Variants in DPP10 observed in about 807,000 individuals in gnomAD.
The protein encoded by DPP10 is inactive dipeptidyl peptidase 10.
Under a neutral mutation model 120.9 loss-of-function variants are expected in DPP10, and 33 were observed. That is an observed-to-expected ratio of 0.27 (90% confidence interval 0.21 to 0.37). DPP10 has a LOEUF of 0.37. DPP10 is among the 10% of genes least tolerant of loss of function. DPP10 has a pLI of 1.00. For missense variants in DPP10, 816 were observed against 942.8 expected (o/e 0.87, Z 1.76); for synonymous variants, 337 against 326.1 (o/e 1.03, Z -0.36).
At chr2:115,570,289 A>G (rs1370207054) in intron 5 of DPP10, among the ~76,000 whole-genome samples, 1 of 152,248 alleles carries the variant, frequency 6.6e-6, no homozygotes, top group African/African-American at 2.4e-5. Flanking sequence ...CCTTAAAATA[A>G]TCTCATGAAC....
chr2:115,842,380 G>T lies in DPP10; in HGVS notation c.*35G>T. 2 of 1,589,148 alleles carry T rather than the reference G, an allele frequency of 1.3e-6. No individual in the cohort carries two copies. The highest frequency in any genetic ancestry group is 1.1e-5 in the South Asian group (1 of 88,842). On this transcript the variant is annotated 3_prime_UTR_variant, in exon 26 of 26. Coordinates refer to ENST00000410059, the MANE Select transcript of DPP10 (RefSeq NM_020868.6). The stretch of plus-strand genomic sequence containing the variant: ...TTTATACAGAACTGAAGGGAATATT[G>T]AGGCTCAATGAAACCTGACAAAGAG...
intron 17 of DPP10, among the ~76,000 whole-genome samples, chr2:115,786,493 C>T (rs930157354): frequency 1.3e-5 from 2 of 151,846 alleles, no homozygotes; most frequent in Non-Finnish European, 2.9e-5. Flanking sequence ...ACCTGATTCC[C>T]TTGTTTCCTT....
chr2:114,597,623 G>A (rs537463809), intron 1 of DPP10, among the ~76,000 whole-genome samples: 6 of 151,874 alleles, frequency 4.0e-5, no homozygotes, highest in Admixed American at 6.6e-5. Flanking sequence ...AGTCACTTAG[G>A]TGATGGAAAT....
chr2:114,920,216 A>C (rs1022193377), intron 1 of DPP10, among the ~76,000 whole-genome samples: 57 of 152,166 alleles, frequency 3.7e-4, no homozygotes, highest in African/African-American at 1.4e-3. Context: ...GGTTTGAATG[A>C]AAAACAATAG....
rs575374421 is a variant in DPP10 at position 114,974,263 on chromosome 2, C to T, written c.61-334976C>T. Among the ~76,000 whole-genome samples the T allele has an allele frequency of 1.0e-3, 155 of 152,116 alleles. No individual in the cohort carries two copies. In the Middle Eastern group the frequency reaches 0.014, roughly 13 times the overall value. On this transcript the variant is annotated intron_variant, in intron 1 of 25. Transcript: ENST00000410059. ...TGCCTTTTACAGTACTTTTAGTGTA[C>T]TTTTTCTATGTTTAGGTATGTTTAG...
At chr2:114,697,935 G>T (rs1700165744) in intron 1 of DPP10, among the ~76,000 whole-genome samples, 1 of 151,920 alleles carries the variant, frequency 6.6e-6, no homozygotes, top group Non-Finnish European at 1.5e-5. Flanking sequence ...ATTTGGTTTG[G>T]TGTCTACATT....
At chr2:114,904,295 T>A (rs999535902) in intron 1 of DPP10, among the ~76,000 whole-genome samples, 1 of 152,192 alleles carries the variant, frequency 6.6e-6, no homozygotes, top group East Asian at 1.9e-4. Flanking sequence ...AGGAACATAG[T>A]ATTGGAAATG....
intron 3 of DPP10, among the ~76,000 whole-genome samples, chr2:115,471,927 A>T (rs886752627): frequency 6.6e-6 from 1 of 152,022 alleles, no homozygotes; most frequent in African/African-American, 2.4e-5. Context: ...CCAGACCAGG[A>T]TTCTTTCAAG....
chr2:114,991,571 T>C (rs1359636852), intron 1 of DPP10, among the ~76,000 whole-genome samples: 2 of 152,236 alleles, frequency 1.3e-5, no homozygotes, highest in African/African-American at 4.8e-5. Context: ...CTTTACTCCG[T>C]GGCTACAAAC....
intron 5 of DPP10, chr2:115,580,350 T>A (rs1460049298): frequency 1.3e-5 from 2 of 152,230 alleles, no homozygotes; most frequent in Non-Finnish European, 2.9e-5. Context: ...TTATCTGGAA[T>A]CAGTTATTTC....
chr2:115,190,570 C>T (rs755790036), intron 1 of DPP10, among the ~76,000 whole-genome samples: 5 of 152,150 alleles, frequency 3.3e-5, no homozygotes, highest in South Asian at 2.1e-4. Context: ...GCTTTTCCCC[C>T]GGCGGTGAAA....
intron 5 of DPP10, among the ~76,000 whole-genome samples, chr2:115,602,312 TAATG>T (rs1426604230): frequency 1.3e-5 from 2 of 152,168 alleles, no homozygotes; most frequent in Non-Finnish European, 2.9e-5. Flanking sequence ...TTGAGAAACA[TAATG>T]AATGGTTTAA....
intron 1 of DPP10, among the ~76,000 whole-genome samples, chr2:114,982,401 A>G (rs1433484647): frequency 6.6e-6 from 1 of 152,170 alleles, no homozygotes; most frequent in Non-Finnish European, 1.5e-5. Flanking sequence ...ATAAAGATAA[A>G]AAAAACAGAG....
intron 1 of DPP10, among the ~76,000 whole-genome samples, chr2:114,649,287 G>C (rs945821388): frequency 2.0e-5 from 3 of 151,950 alleles, no homozygotes; most frequent in Non-Finnish European, 4.4e-5. Context: ...TAAAATTACT[G>C]ATACTTGGGT....
At chr2:115,572,829 C>G (rs2081418080) in intron 5 of DPP10, among the ~76,000 whole-genome samples, 2 of 152,052 alleles carry the variant, frequency 1.3e-5, no homozygotes. Flanking sequence ...CTTTAAAAAC[C>G]TTTGGAGTAA....
intron 11 of DPP10, among the ~76,000 whole-genome samples, chr2:115,759,090 A>G (rs1381657027): frequency 6.6e-6 from 1 of 152,188 alleles, no homozygotes; most frequent in East Asian, 1.9e-4. Context: ...CAAAGACACC[A>G]TTAGGGAAAA....
chr2:115,044,362 T>G (rs898705962), intron 1 of DPP10, among the ~76,000 whole-genome samples: 57 of 152,190 alleles, frequency 3.7e-4, no homozygotes, highest in East Asian at 1.9e-4. Flanking sequence ...GATCTTTTTT[T>G]TTAATTTTAT....
At chr2:115,801,204 A>G (rs1685195646) in intron 19 of DPP10, among the ~76,000 whole-genome samples, 1 of 151,986 alleles carries the variant, frequency 6.6e-6, no homozygotes, top group Non-Finnish European at 1.5e-5. Context: ...ACAATTGTGA[A>G]TGGGAGTTCA....
At chr2:115,776,392 C>A (rs1481281529) in intron 13 of DPP10, among the ~76,000 whole-genome samples, 1 of 152,038 alleles carries the variant, frequency 6.6e-6, no homozygotes, top group Non-Finnish European at 1.5e-5. Context: ...TGTTACTTTG[C>A]TAAGAATGAT....
Sources: allele counts gnomAD v4.1 joint callset (sites outside exome capture counted in the v4.1 genomes callset), GRCh38; gene constraint gnomAD v4.1.1; transcripts MANE v1.5; gene names NCBI Gene and HGNC (gene_info 2026-07-23, HGNC 2026-07-21).